The following LTBP1 variants were observed in gnomAD, a reference collection of about 807,000 sequenced individuals.
LTBP1 encodes latent transforming growth factor beta binding protein 1.
In LTBP1, 129 loss-of-function variants were observed where a neutral mutation model predicts 207.6. The observed-to-expected ratio is 0.62, with a 90% CI of 0.54 to 0.72. The LOEUF (loss-of-function observed/expected upper bound fraction) is 0.72. Ranked by LOEUF, LTBP1 falls within the 30% of genes least tolerant of loss-of-function variation. The pLI, the probability that LTBP1 is intolerant of heterozygous loss-of-function variation, is 0.00. For missense variants in LTBP1, 2,281 were observed against 2,217.2 expected (o/e 1.03, Z -0.58); for synonymous variants, 963 against 833.7 (o/e 1.16, Z -2.67).
At chr2:33,185,058 A>G (rs116031168) in intron 5 of LTBP1, among the ~76,000 whole-genome samples, 35 of 152,338 alleles carry the variant, frequency 2.3e-4, no homozygotes, top group African/African-American at 7.7e-4. Context: ...GGAATCAGGT[A>G]GTTGACGGAG....
chr2:33,393,234 C>CTTTTTTTTTTTTTTTTTTT (rs569734292), intron 32 of LTBP1, among the ~76,000 whole-genome samples: 11 of 48,746 alleles, frequency 2.3e-4, no homozygotes, highest in Non-Finnish European at 2.3e-4. Context: ...CCTTCTTCTT[C>CTTTTTTTTTTTTTTTTTTT]TTTTTTTTTT....
intron 18 of LTBP1, among the ~76,000 whole-genome samples, chr2:33,277,760 C>CTTTCTTTCTTTCTTTCTTTCTTTCTTT (rs1219527688): frequency 3.7e-4 from 35 of 95,456 alleles, no homozygotes; most frequent in Non-Finnish European, 5.4e-4. Flanking sequence ...TTTTTTTTTC[C>CTTTCTTTCTTTCTTTCTTTCTTTCTTT]CTTTCTTTCT....
chr2:33,390,785 C>T (rs934387240), intron 32 of LTBP1, among the ~76,000 whole-genome samples: 1 of 152,122 alleles, frequency 6.6e-6, no homozygotes, highest in Admixed American at 6.5e-5. Context: ...CCATGCCTGG[C>T]CTGCACCACA....
At chr2:33,258,465 G>A (rs1254550526) in intron 12 of LTBP1, among the ~76,000 whole-genome samples, 3 of 152,000 alleles carry the variant, frequency 2.0e-5, no homozygotes, top group Non-Finnish European at 4.4e-5. Context: ...TTTTTTCTGA[G>A]CTCTGAACGT....
chr2:33,337,979 TATCTC>T (rs755337846), intron 24 of LTBP1, among the ~76,000 whole-genome samples: 5 of 152,186 alleles, frequency 3.3e-5, no homozygotes, highest in Non-Finnish European at 5.9e-5. Context: ...AATGGAAAAA[TATCTC>T]AGAGAGCTCA....
At position 33,198,275 on chromosome 2, in the gene LTBP1, T is replaced by G. The variant is rs948434180; in HGVS notation, c.1701+9424T>G. On this transcript the variant is annotated intron_variant, in intron 7 of 33. Transcript: ENST00000404816. The stretch of plus-strand genomic sequence containing the variant: ...ACTTGATCATGGTGGATAAGCTTTT[T>G]GATGTGCTGCTGGATTCGGTTTGCT... Among the ~76,000 whole-genome samples the G allele has an allele frequency of 4.6e-5, 7 of 152,334 alleles. No homozygotes were observed. In the East Asian group the frequency reaches 5.8e-4, roughly 13 times the overall value.
chr2:33,383,574 C>G (rs144759190), intron 31 of LTBP1, among the ~76,000 whole-genome samples: 3 of 152,062 alleles, frequency 2.0e-5, no homozygotes, highest in Admixed American at 2.0e-4. Context: ...TCTTTTCTTT[C>G]TTTTTTTAGA....
At chr2:33,024,152 G>A (rs2075305161) in intron 3 of LTBP1, among the ~76,000 whole-genome samples, 1 of 152,156 alleles carries the variant, frequency 6.6e-6, no homozygotes, top group Non-Finnish European at 1.5e-5. Flanking sequence ...GATAACACTA[G>A]GCAACTACAT....
At chr2:32,961,812 G>C (rs1454855021) in intron 2 of LTBP1, among the ~76,000 whole-genome samples, 3 of 152,100 alleles carry the variant, frequency 2.0e-5, no homozygotes, top group Non-Finnish European at 4.4e-5. Context: ...CGGGCGTGGT[G>C]GTGGGCGCCG....
At chr2:33,040,077 G>A (rs2076110002) in intron 3 of LTBP1, among the ~76,000 whole-genome samples, 1 of 152,138 alleles carries the variant, frequency 6.6e-6, no homozygotes, top group Non-Finnish European at 1.5e-5. Context: ...AGGGCATGGA[G>A]GCCCATAGAG....
intron 24 of LTBP1, among the ~76,000 whole-genome samples, chr2:33,321,045 G>A (rs1015697174): frequency 6.6e-6 from 1 of 152,084 alleles, no homozygotes; most frequent in Non-Finnish European, 1.5e-5. Flanking sequence ...TCTCTTGGAT[G>A]ATGATGGTGA....
intron 5 of LTBP1, among the ~76,000 whole-genome samples, chr2:33,139,548 T>C (rs2082467253): frequency 6.6e-6 from 1 of 152,158 alleles, no homozygotes; most frequent in Admixed American, 6.5e-5. Flanking sequence ...AGAAAAGAGA[T>C]GGCATGCAGC....
Position 33,217,744 on chromosome 2 carries a change from T to C in LTBP1, c.1804+90T>C, listed in dbSNP as rs1205728809. 3.3e-6 allele frequency: 3 copies of C among 900,128 alleles called. No individual in the cohort carries two copies. The Admixed American group carries it at 6.2e-5, about 19-fold the overall frequency. The allele number at this position is 900,128 out of a possible 1,614,324, so 55.8% of individuals were successfully genotyped here. On this transcript the variant is annotated intron_variant, in intron 8 of 33. Transcript: ENST00000404816. ...TTTAATGATGAGGCAATATTAGACT[T>C]TCAAAGAACTCTCCTACTGAATTCT...
intron 19 of LTBP1, among the ~76,000 whole-genome samples, chr2:33,282,082 T>C (rs2093569914): frequency 6.7e-6 from 1 of 149,352 alleles, no homozygotes; most frequent in African/African-American, 2.4e-5. Context: ...TATATATATA[T>C]ATATATAAAC....
At chr2:33,366,662 T>A (rs2094991872) in intron 31 of LTBP1, among the ~76,000 whole-genome samples, 1 of 152,214 alleles carries the variant, frequency 6.6e-6, no homozygotes, top group African/African-American at 2.4e-5. Flanking sequence ...GGAAAATAAC[T>A]TCACCCTGTA....
intron 2 of LTBP1, 44 bp downstream of exon 2, chr2:32,948,989 G>A (rs758508790): frequency 1.9e-6 from 3 of 1,594,024 alleles, no homozygotes; most frequent in East Asian, 4.5e-5. Flanking sequence ...TAGGCAAAGT[G>A]GGGGGAGGTG....
At chr2:33,393,163 A>G (rs1400700985) in intron 32 of LTBP1, among the ~76,000 whole-genome samples, 4 of 142,920 alleles carry the variant, frequency 2.8e-5, no homozygotes, top group African/African-American at 1.0e-4. Context: ...GAAGCCCAGT[A>G]CCCAATAGTT....
At chr2:33,353,359 A>G (rs946736333) in intron 26 of LTBP1, among the ~76,000 whole-genome samples, 1 of 152,188 alleles carries the variant, frequency 6.6e-6, no homozygotes, top group South Asian at 2.1e-4. Context: ...CACATTCCCC[A>G]AATCCCCAAG....
chr2:33,077,834 C>T lies in LTBP1; in HGVS notation c.864-32748C>T, dbSNP rs965030298. On this transcript the variant is annotated intron_variant, in intron 3 of 33. Coordinates refer to ENST00000404816, the MANE Select transcript of LTBP1 (RefSeq NM_206943.4). The stretch of plus-strand genomic sequence containing the variant: ...AAATTGTAATAACAAAAATTGTGTT[C>T]GCTTTTGAACAAGATTACTTTTGCA... Among the ~76,000 whole-genome samples the T allele has an allele frequency of 2.6e-5, 4 of 151,962 alleles. No homozygotes were observed. The East Asian group carries it at 7.7e-4, about 29-fold the overall frequency.
Sources: allele counts gnomAD v4.1 joint callset (sites outside exome capture counted in the v4.1 genomes callset), GRCh38; gene constraint gnomAD v4.1.1; transcripts MANE v1.5; gene names NCBI Gene and HGNC (gene_info 2026-07-23, HGNC 2026-07-21).